NBEA: variants seen among roughly 807,000 people sequenced by gnomAD.
NBEA encodes the protein lysosomal-trafficking regulator 2.
NBEA carries 44 observed loss-of-function variants against 343.4 expected under a neutral mutation model. The ratio of observed to expected loss-of-function variants is 0.13; its 90% CI spans 0.10 to 0.16. The LOEUF (loss-of-function observed/expected upper bound fraction) is 0.16, where lower values mean the gene tolerates loss of function less well. NBEA is among the 10% of genes least tolerant of loss of function. The pLI is 1.00. For missense variants in NBEA, 2,555 were observed against 3,631.3 expected, an observed-to-expected ratio of 0.70 and a Z score of 7.62; for synonymous variants, 1,175 against 1,238.7, an observed-to-expected ratio of 0.95 and a Z score of 1.08.
chr13:35,461,655 G>A (rs953721416), intron 40 of NBEA, among the ~76,000 whole-genome samples: 3 of 152,158 alleles, frequency 2.0e-5, no homozygotes, highest in Non-Finnish European at 2.9e-5. Flanking sequence ...GGAAGAGTGA[G>A]CTCTTCATTA....
At chr13:35,323,919 C>CG (rs2038358584) in intron 36 of NBEA, among the ~76,000 whole-genome samples, 1 of 152,040 alleles carries the variant, frequency 6.6e-6, no homozygotes, top group Non-Finnish European at 1.5e-5. Flanking sequence ...CTTAGAGACA[C>CG]ATATCATATT....
chr13:35,124,563 T>TATATATGGATATATATATACATACAC (rs2066984521), intron 17 of NBEA, among the ~76,000 whole-genome samples: 1 of 149,668 alleles, frequency 6.7e-6, no homozygotes, highest in East Asian at 2.0e-4. Context: ...TACATACACA[T>TATATATGGATATATATATACATACAC]ATATATGGAT....
At chr13:35,219,261 A>G (rs2074232736) in intron 33 of NBEA, among the ~76,000 whole-genome samples, 1 of 152,022 alleles carries the variant, frequency 6.6e-6, no homozygotes, top group Admixed American at 6.6e-5. Context: ...GCAGTGATTA[A>G]TCAGTTTTAT....
At chr13:35,443,206 A>T (rs1007891709) in intron 39 of NBEA, among the ~76,000 whole-genome samples, 3 of 152,128 alleles carry the variant, frequency 2.0e-5, no homozygotes, top group Admixed American at 6.6e-5. Flanking sequence ...CTACCTAAAG[A>T]CGTAATATTT....
intron 9 of NBEA, among the ~76,000 whole-genome samples, chr13:35,070,498 A>G (rs2063823876): frequency 6.6e-6 from 1 of 152,100 alleles, no homozygotes; most frequent in Admixed American, 6.6e-5. Context: ...TTTTAACTTA[A>G]TATTTTTAGT....
At chr13:35,582,617 C>A (rs148371395) in intron 45 of NBEA, among the ~76,000 whole-genome samples, 8 of 151,954 alleles carry the variant, frequency 5.3e-5, no homozygotes, top group Non-Finnish European at 1.2e-4. Context: ...CACTTTTGTG[C>A]GTGAAAAATA....
At chr13:35,443,025 AG>A (rs1289795629) in intron 39 of NBEA, among the ~76,000 whole-genome samples, 2 of 152,088 alleles carry the variant, frequency 1.3e-5, no homozygotes, top group Non-Finnish European at 2.9e-5. Flanking sequence ...GGTGTTAGGT[AG>A]CCATTTTCTT....
chr13:35,294,390 C>T (rs2035982600), intron 35 of NBEA, among the ~76,000 whole-genome samples: 1 of 151,690 alleles, frequency 6.6e-6, no homozygotes, highest in African/African-American at 2.4e-5. Context: ...GGTAAGAGAA[C>T]ATAGAGGCCT....
intron 36 of NBEA, among the ~76,000 whole-genome samples, chr13:35,328,471 T>C (rs2038720423): frequency 6.6e-6 from 1 of 151,902 alleles, no homozygotes; most frequent in African/African-American, 2.4e-5. Flanking sequence ...CCAAAGTAAT[T>C]GTACATTTTG....
intron 31 of NBEA, among the ~76,000 whole-genome samples, chr13:35,204,873 T>C (rs2073278412): frequency 1.3e-5 from 2 of 152,152 alleles, no homozygotes; most frequent in African/African-American, 4.8e-5. Flanking sequence ...CCACAGTAGG[T>C]ACCTAGACTT....
rs927655698 is a variant in NBEA at position 35,347,412 on chromosome 13, A to G, written c.5904-1696A>G. On this transcript the variant is annotated intron_variant, in intron 36 of 58. Coordinates refer to ENST00000379939, the MANE Select transcript of NBEA (RefSeq NM_001385012.1). Reference sequence around the variant, plus strand: ...AATCCCCGGAAAGAAAAACTGGACAATGAAGGAATATGAGGATTAGAATGA... The same window carrying G: ...AATCCCCGGAAAGAAAAACTGGACAGTGAAGGAATATGAGGATTAGAATGA... Among the ~76,000 whole-genome samples, 41 of 152,124 alleles carry G rather than the reference A, an allele frequency of 2.7e-4. 1 individual carries two copies. Among genetic ancestry groups the G allele is most frequent in the African/African-American group, 8.4e-4 (35 of 41,442 alleles).
chr13:34,990,297 C>T (rs1055065032), intron 1 of NBEA, among the ~76,000 whole-genome samples: 4 of 151,182 alleles, frequency 2.6e-5, no homozygotes, highest in Admixed American at 6.6e-5. Flanking sequence ...TCCATGAGGG[C>T]TCTGCCCCTG....
chr13:35,029,246 C>G (rs1277464986), intron 1 of NBEA, among the ~76,000 whole-genome samples: 1 of 145,952 alleles, frequency 6.9e-6, no homozygotes, highest in Non-Finnish European at 1.5e-5. Flanking sequence ...TCTATAACAC[C>G]ATAGTCTATA....
chr13:35,029,127 T>C (rs1002268810), intron 1 of NBEA, among the ~76,000 whole-genome samples: 1 of 151,580 alleles, frequency 6.6e-6, no homozygotes, highest in African/African-American at 2.4e-5. Flanking sequence ...GAAACTTTTC[T>C]TGTCTATTTG....
intron 1 of NBEA, among the ~76,000 whole-genome samples, chr13:34,992,147 A>G (rs2060774244): frequency 1.3e-5 from 2 of 149,434 alleles, no homozygotes; most frequent in African/African-American, 2.5e-5. Flanking sequence ...TTAAATTTAT[A>G]TATTTCACCA....
At chr13:35,670,808 TA>T in intron 58 of NBEA, 92 bp from the exon 59 acceptor site, 2 of 843,098 alleles carry the variant, frequency 2.4e-6, no homozygotes, top group Non-Finnish European at 1.9e-6. Flanking sequence ...TTGTCTAGTG[TA>T]AAATGCCAAA....
At chr13:35,175,348 T>C (rs1390148720) in intron 27 of NBEA, among the ~76,000 whole-genome samples, 2 of 152,336 alleles carry the variant, frequency 1.3e-5, no homozygotes, top group East Asian at 1.9e-4. Context: ...AACATTCAGT[T>C]ATTACTGATT....
chr13:35,477,271 T>C (rs1299710359), intron 41 of NBEA: 1 of 165,630 alleles, frequency 6.0e-6, no homozygotes, highest in Non-Finnish European at 1.5e-5. Flanking sequence ...ATGGAGGTAG[T>C]ATGCTCTTTT....
At chr13:35,156,263 T>G in intron 20 of NBEA, 57 bp downstream of exon 20, 2 of 1,434,266 alleles carry the variant, frequency 1.4e-6, no homozygotes, top group Non-Finnish European at 1.8e-6. Flanking sequence ...TTTTCTCTCT[T>G]TTAGATTTTC....
Sources: allele counts gnomAD v4.1 joint callset (sites outside exome capture counted in the v4.1 genomes callset), GRCh38; gene constraint gnomAD v4.1.1; transcripts MANE v1.5; gene names NCBI Gene and HGNC (gene_info 2026-07-23, HGNC 2026-07-21).